DLGAP5: variants seen among roughly 807,000 people sequenced by gnomAD.
DLGAP5 encodes the protein DLG associated protein 5, also known as disks large-associated protein 5.
A neutral mutation model predicts 99.6 loss-of-function variants in DLGAP5; 90 were observed. That is an observed-to-expected ratio of 0.90 (90% CI 0.76 to 1.08). DLGAP5 has a LOEUF of 1.08. Among genes scored for constraint, DLGAP5 ranks in the 50% least tolerant of loss-of-function variants. DLGAP5 has a pLI of 0.00. For synonymous variants in DLGAP5, 311 were observed against 321.3 expected (o/e 0.97, Z 0.34); for missense variants, 1,036 against 983.5 (o/e 1.05, Z -0.71).
At chr14:55,162,417 A>C (rs955720070) in intron 13 of DLGAP5, among the ~76,000 whole-genome samples, 1 of 152,122 alleles carries the variant, frequency 6.6e-6, no homozygotes, top group Non-Finnish European at 1.5e-5. Context: ...CAGCAGATGG[A>C]GACCATCCTG....
At position 55,152,628 on chromosome 14, in the gene DLGAP5, G is replaced by A; in HGVS notation, c.2083C>T (p.Gln695Ter). The A allele has an allele frequency of 6.2e-7, 1 of 1,601,566 alleles. No homozygotes were observed. Among genetic ancestry groups the A allele is most frequent in the Non-Finnish European group, 8.5e-7 (1 of 1,175,016 alleles). The change falls in exon 16 of 19, where the codon CAG becomes TAG. Residue 695 changes from glutamine to a stop codon, truncating the protein, a stop_gained. Transcript: ENST00000247191. LOFTEE classifies it high-confidence loss of function. Reference sequence around the variant, plus strand: ...ATTAAATCTGGTAATCCAGGACACTGAGCATCTTCTATGCTGCTCCTAAAG... The same window carrying A: ...ATTAAATCTGGTAATCCAGGACACTAAGCATCTTCTATGCTGCTCCTAAAG... ...PESRSSIEDA[Q>*]CPGLPDLIEE...
In DLGAP5 at chr14:55,175,400, A is replaced by G; in HGVS notation, c.1247T>C (p.Leu416Pro). 6.2e-7 allele frequency: 1 copy of G among 1,604,552 alleles called. No individual in the cohort carries two copies. The highest frequency in any genetic ancestry group is 2.2e-5 in the East Asian group (1 of 44,544). Residue 416 changes from leucine to proline, a missense_variant, in exon 10 of 19, where the codon CTT becomes CCT. Coordinates refer to ENST00000247191, the MANE Select transcript of DLGAP5 (RefSeq NM_014750.5). Reference sequence around the variant, plus strand: ...AGCAATTCGACCTTCATTTCTTTCAAGTGATGGGACTTCTTTTATTGGAAG... The same window carrying G: ...AGCAATTCGACCTTCATTTCTTTCAGGTGATGGGACTTCTTTTATTGGAAG... ...NGLPIKEVPS[L>P]ERNEGRIAQP...
At chr14:55,165,300 G>A (rs1052343732) in intron 12 of DLGAP5, among the ~76,000 whole-genome samples, 9 of 152,030 alleles carry the variant, frequency 5.9e-5, no homozygotes, top group Non-Finnish European at 8.8e-5. Context: ...AGGGTGGATC[G>A]CTTGAGCTCA....
At chr14:55,162,077 G>C (rs572532342) in intron 13 of DLGAP5, among the ~76,000 whole-genome samples, 8 of 151,714 alleles carry the variant, frequency 5.3e-5, no homozygotes, top group African/African-American at 1.9e-4. Flanking sequence ...ACAATGCTTA[G>C]TTTGAAAAGT....
intron 13 of DLGAP5, among the ~76,000 whole-genome samples, chr14:55,159,377 A>C (rs952312648): frequency 7.2e-5 from 11 of 152,240 alleles, no homozygotes; most frequent in African/African-American, 2.2e-4. Flanking sequence ...ATTTTTAAGC[A>C]GAAGATTAAC....
chr14:55,189,086 T>C lies in DLGAP5; in HGVS notation c.94A>G (p.Lys32Glu). ...KIAHRKSLSQ[K>E]ENRHKEYERN... Reference sequence around the variant, plus strand: ...TCGTATTCCTTATGTCTATTTTCTTTCTGAGACAGTGATTTCCTATGAGCA... The same window carrying C: ...TCGTATTCCTTATGTCTATTTTCTTCCTGAGACAGTGATTTCCTATGAGCA... Residue 32 changes from lysine (K) to glutamate (E), a missense_variant, in exon 2 of 19, where the codon AAA becomes GAA. Transcript: ENST00000247191. 1 of 1,614,046 alleles carries C rather than the reference T, an allele frequency of 6.2e-7. No homozygotes were observed. The highest frequency in any genetic ancestry group is 8.5e-7 in the Non-Finnish European group (1 of 1,179,982).
At chr14:55,167,388 A>G (rs183623060) in intron 12 of DLGAP5, among the ~76,000 whole-genome samples, 2 of 152,210 alleles carry the variant, frequency 1.3e-5, no homozygotes, top group African/African-American at 4.8e-5. Context: ...TATTATGAAA[A>G]CTGGTAAATA....
chr14:55,153,116 C>T (rs953396869), intron 15 of DLGAP5, among the ~76,000 whole-genome samples: 1 of 152,004 alleles, frequency 6.6e-6, no homozygotes, highest in Non-Finnish European at 1.5e-5. Context: ...GTTCAAAAAG[C>T]GGAACAGGAG....
chr14:55,183,693 T>C lies in DLGAP5; in HGVS notation c.299A>G (p.Glu100Gly), dbSNP rs752415670. The change falls in exon 3 of 19, where the codon GAA becomes GGA. Residue 100 changes from glutamate to glycine, a missense_variant. By Grantham distance (98) the Glu-to-Gly change is moderately conservative. Transcript: ENST00000247191. Reference protein sequence around the residue: ...RKQMLQKYKEEKQLQKLKEQR... With the variant: ...RKQMLQKYKEGKQLQKLKEQR... ...CTCTTTCAATTTTTGAAGTTGCTTT[T>C]CTTCTTTGTATTTTTGGAGCATCTG... 1.9e-6 allele frequency: 3 copies of C among 1,611,408 alleles called. No homozygotes were observed. The highest frequency in any genetic ancestry group is 4.5e-5 in the East Asian group (2 of 44,828).
intron 10 of DLGAP5, among the ~76,000 whole-genome samples, chr14:55,172,569 AG>A (rs1214805122): frequency 6.6e-6 from 1 of 152,118 alleles, no homozygotes; most frequent in Non-Finnish European, 1.5e-5. Flanking sequence ...GGCTGCAGTG[AG>A]CCAAGAGCGA....
intron 11 of DLGAP5, 43 bp downstream of exon 11, chr14:55,170,659 G>A: frequency 6.7e-7 from 1 of 1,490,294 alleles, no homozygotes; most frequent in East Asian, 2.3e-5. Flanking sequence ...CGTAACCATA[G>A]TAAAAGAAAC....
At chr14:55,183,098 T>C (rs568061470) in intron 3 of DLGAP5, among the ~76,000 whole-genome samples, 2 of 152,332 alleles carry the variant, frequency 1.3e-5, no homozygotes, top group South Asian at 4.1e-4. Flanking sequence ...TGCCTTTATT[T>C]AGATGTCTTA....
rs370837704 is a variant in DLGAP5, at chr14:55,181,275, C to A, written c.518G>T (p.Arg173Leu). 5 of 1,613,810 alleles carry A rather than the reference C, an allele frequency of 3.1e-6. No homozygotes were observed. Among genetic ancestry groups the A allele is most frequent in the Non-Finnish European group, 3.4e-6 (4 of 1,179,960 alleles). Reference sequence around the variant, plus strand: ...TTGTCTTGGACCAGGTCGGATTGCTCGAACATCACTCTCGTTATCAATCTA... The same window carrying A: ...TTGTCTTGGACCAGGTCGGATTGCTAGAACATCACTCTCGTTATCAATCTA... The part of the protein sequence containing the change: ...QTKIDNESDV[R>L]AIRPGPRQTS... The change falls in exon 5 of 19, where the codon CGA becomes CTA. Residue 173 changes from arginine to leucine, a missense_variant. Coordinates refer to ENST00000247191, the MANE Select transcript of DLGAP5 (RefSeq NM_014750.5).
At chr14:55,190,565 G>A (rs1448700791) in intron 1 of DLGAP5, among the ~76,000 whole-genome samples, 1 of 152,138 alleles carries the variant, frequency 6.6e-6, no homozygotes, top group Non-Finnish European at 1.5e-5. Flanking sequence ...AAAAAGGTAA[G>A]GGGGAGGCTC....
At chr14:55,178,897 A>C (rs1306009326) in intron 7 of DLGAP5, among the ~76,000 whole-genome samples, 1 of 152,120 alleles carries the variant, frequency 6.6e-6, no homozygotes, top group Non-Finnish European at 1.5e-5. Flanking sequence ...AAATACAAAA[A>C]TCAGATGGGC....
At chr14:55,165,570 T>C (rs1294135060) in intron 12 of DLGAP5, among the ~76,000 whole-genome samples, 1 of 151,672 alleles carries the variant, frequency 6.6e-6, no homozygotes, top group East Asian at 1.9e-4. Context: ...ATGAGATACC[T>C]CATACCCACT....
At chr14:55,179,480 TC>T in intron 7 of DLGAP5, 148 bp downstream of exon 7, 5 of 532,756 alleles carry the variant, frequency 9.4e-6, no homozygotes, top group Non-Finnish European at 1.6e-5. Context: ...CAAGAGTAAA[TC>T]CTCTTGATGC....
intron 11 of DLGAP5, among the ~76,000 whole-genome samples, chr14:55,169,816 A>G (rs888587038): frequency 6.6e-6 from 1 of 152,216 alleles, no homozygotes; most frequent in Admixed American, 6.5e-5. Context: ...GTTGTACTTT[A>G]TAAGAACTCA....
chr14:55,158,193 C>T (rs1882278936), intron 14 of DLGAP5, among the ~76,000 whole-genome samples: 1 of 152,222 alleles, frequency 6.6e-6, no homozygotes. Flanking sequence ...ATGCTTCCGT[C>T]ATTTCTCTTA....
Sources: allele counts gnomAD v4.1 joint callset (sites outside exome capture counted in the v4.1 genomes callset), GRCh38; gene constraint gnomAD v4.1.1; transcripts MANE v1.5; gene names NCBI Gene and HGNC (gene_info 2026-07-23, HGNC 2026-07-21).